HIVEP3: variants seen among roughly 807,000 people sequenced by gnomAD.
HIVEP3 encodes the protein HIVEP zinc finger 3, also known as transcription factor HIVEP3.
Under a neutral mutation model 152.8 loss-of-function variants are expected in HIVEP3, and 49 were observed. The ratio of observed to expected loss-of-function variants is 0.32; its 90% CI spans 0.26 to 0.41. The LOEUF is 0.41. Among genes scored for constraint, HIVEP3 ranks in the 10% least tolerant of loss-of-function variants. The pLI is 1.00. For missense variants in HIVEP3, 2,790 were observed against 3,103.3 expected (o/e 0.90, Z 2.40); for synonymous variants, 1,269 against 1,289.0 (o/e 0.98, Z 0.33).
At chr1:41,527,216 TCA>T (rs140080772) in intron 5 of HIVEP3, among the ~76,000 whole-genome samples, 24,200 of 73,438 alleles carry the variant, frequency 0.33, 4,029 homozygotes, top group Non-Finnish European at 0.41. Context: ...ATGCTCACCC[TCA>T]CACACTCACC....
At chr1:41,932,074 A>G (rs889336392) in intron 1 of HIVEP3, among the ~76,000 whole-genome samples, 21 of 151,852 alleles carry the variant, frequency 1.4e-4, no homozygotes, top group Admixed American at 6.6e-5. Flanking sequence ...GTTGCTAGCT[A>G]TAGCCTTTTG....
intron 1 of HIVEP3, among the ~76,000 whole-genome samples, chr1:41,752,802 A>G (rs1394593046): frequency 6.6e-6 from 1 of 152,222 alleles, no homozygotes; most frequent in East Asian, 1.9e-4. Flanking sequence ...GGTTCTATTC[A>G]AAGCTTGGCT....
chr1:41,916,220 G>A (rs1338979183), intron 1 of HIVEP3, among the ~76,000 whole-genome samples: 1 of 152,120 alleles, frequency 6.6e-6, no homozygotes, highest in Non-Finnish European at 1.5e-5. Flanking sequence ...CTCCAAGGAG[G>A]GTGGCTGCCA....
At position 41,533,296 on chromosome 1, in the gene HIVEP3, C is replaced by T. The variant is rs34227270; in HGVS notation, c.5208-8386G>A. Reference sequence around the variant, plus strand: ...TCTGGGTCCAGCTCCTCCTGCGGTGCCAGAGCCCACCCCACCCACTGTCCT... The same window carrying T: ...TCTGGGTCCAGCTCCTCCTGCGGTGTCAGAGCCCACCCCACCCACTGTCCT... On this transcript the variant is annotated intron_variant, in intron 5 of 8. Transcript: ENST00000372583. The surrounding 1 kb of genome is among the most constrained non-coding windows in gnomAD (Gnocchi z 4.3). Among the ~76,000 whole-genome samples the T allele has an allele frequency of 0.53, 80,503 of 151,832 alleles. 22,135 individuals carry two copies. Among genetic ancestry groups the T allele is most frequent in the East Asian group, 0.98 (5,054 of 5,156 alleles).
At position 41,580,162 on chromosome 1, in the gene HIVEP3, A is replaced by G; in HGVS notation, c.4636T>C (p.Leu1546=). The part of the protein sequence containing the change: ...QPSGKPHRRG[L]TPLSVKKEDS... ...TCTTTCTTCACGCTCAGTGGGGTCA[A>G]CCCTCTTCGGTGAGGTTTGCCAGAT... The change falls in exon 4 of 9, where the codon TTG becomes CTG. Residue 1546 remains leucine (L), a synonymous_variant. Transcript: ENST00000372583. The G allele has an allele frequency of 6.2e-7, 1 of 1,613,140 alleles. No individual in the cohort carries two copies. Among genetic ancestry groups the G allele is most frequent in the Non-Finnish European group, 8.5e-7 (1 of 1,179,452 alleles).
chr1:41,544,769 T>TCTACC (rs1643645424), intron 5 of HIVEP3, among the ~76,000 whole-genome samples: 1 of 79,642 alleles, frequency 1.3e-5, no homozygotes, highest in African/African-American at 5.0e-5. Flanking sequence ...TCACCACCAC[T>TCTACC]ACCACTACCT....
At chr1:41,559,581 C>T (rs1644025017) in intron 5 of HIVEP3, among the ~76,000 whole-genome samples, 1 of 152,208 alleles carries the variant, frequency 6.6e-6, no homozygotes, top group Non-Finnish European at 1.5e-5. Flanking sequence ...GATCCCACCA[C>T]CACACCATCT....
intron 2 of HIVEP3, among the ~76,000 whole-genome samples, chr1:41,693,906 C>T (rs1646233634): frequency 6.6e-6 from 1 of 152,186 alleles, no homozygotes. Context: ...GCATTTTCAT[C>T]TCTAATTATC....
intron 4 of HIVEP3, among the ~76,000 whole-genome samples, chr1:41,577,080 C>T (rs889165180): frequency 1.3e-4 from 20 of 152,200 alleles, no homozygotes; most frequent in Non-Finnish European, 2.2e-4. Flanking sequence ...TTCTCCCTCA[C>T]AGCCTGCCGT....
intron 2 of HIVEP3, among the ~76,000 whole-genome samples, chr1:41,656,691 C>T (rs1645633913): frequency 6.6e-6 from 1 of 152,172 alleles, no homozygotes; most frequent in Non-Finnish European, 1.5e-5. Context: ...TTTACATGCT[C>T]ATCTCAACTA....
chr1:41,528,302 ACACT>A (rs1446799207), intron 5 of HIVEP3, among the ~76,000 whole-genome samples: 2 of 71,132 alleles, frequency 2.8e-5, no homozygotes, highest in Admixed American at 3.0e-4. Flanking sequence ...ACTCACCCTC[ACACT>A]CACCTTCACA....
At position 41,568,456 on chromosome 1, in the gene HIVEP3, G is replaced by A. The variant is rs141165017; in HGVS notation, c.5207+7088C>T. 9.5e-4 allele frequency among the ~76,000 whole-genome samples: 145 copies of A among 152,366 alleles called. 1 individual carries two copies. The Middle Eastern group carries it at 0.014, about 14-fold the overall frequency. On this transcript the variant is annotated intron_variant, in intron 5 of 8. Coordinates refer to ENST00000372583, the MANE Select transcript of HIVEP3 (RefSeq NM_024503.5). ...CAGAGGTCAGGGAGGAGCTGGAGCC[G>A]GCACATGCAGGCCCGTGAGGGCTTC...
At chr1:41,993,795 A>G in intron 1 of HIVEP3, among the ~76,000 whole-genome samples, 1 of 151,784 alleles carries the variant, frequency 6.6e-6, no homozygotes, top group East Asian at 1.9e-4. Flanking sequence ...TGTGGCACAT[A>G]TACACCATGG....
At chr1:41,654,686 T>C (rs372619951) in intron 2 of HIVEP3, among the ~76,000 whole-genome samples, 2 of 152,364 alleles carry the variant, frequency 1.3e-5, no homozygotes, top group African/African-American at 2.4e-5. Flanking sequence ...CATTCCAGTA[T>C]ACAACATGGT....
At chr1:41,672,780 T>C (rs1312898955) in intron 2 of HIVEP3, among the ~76,000 whole-genome samples, 1 of 151,006 alleles carries the variant, frequency 6.6e-6, no homozygotes, top group Admixed American at 6.6e-5. Flanking sequence ...AGGTGGGGAG[T>C]GAGGAGAGTG....
chr1:41,844,325 G>A (rs1225681552), intron 1 of HIVEP3, among the ~76,000 whole-genome samples: 2 of 152,202 alleles, frequency 1.3e-5, no homozygotes, highest in African/African-American at 2.4e-5. Context: ...GAACATCAGG[G>A]ATTCTGGACT....
intron 1 of HIVEP3, among the ~76,000 whole-genome samples, chr1:41,901,875 T>C (rs1439122915): frequency 1.3e-5 from 2 of 152,208 alleles, no homozygotes; most frequent in African/African-American, 4.8e-5. Context: ...TGTTTACTTG[T>C]GAATTGCCTT....
rs188479633 is a variant in HIVEP3, at chr1:41,901,040, C to G, written c.-801+17373G>C. Among the ~76,000 whole-genome samples, 23 of 152,026 alleles carry G rather than the reference C, an allele frequency of 1.5e-4. No individual in the cohort carries two copies. In the East Asian group the frequency reaches 4.3e-3, roughly 28 times the overall value. ...AATGGTGGCCTGGAGAGGGAGTGGA[C>G]GTCAGGATGGATAAGTGGATGGATT... On this transcript the variant is annotated intron_variant, in intron 1 of 8. Coordinates refer to ENST00000372583, the MANE Select transcript of HIVEP3 (RefSeq NM_024503.5).
chr1:41,899,540 G>A (rs1324626514), intron 1 of HIVEP3, among the ~76,000 whole-genome samples: 1 of 152,108 alleles, frequency 6.6e-6, no homozygotes, highest in Non-Finnish European at 1.5e-5. Flanking sequence ...CCGAGTAGCT[G>A]GGATTACAAG....
Sources: gnomAD v4.1 joint callset for allele counts (sites outside exome capture counted in the v4.1 genomes callset) on GRCh38, gnomAD v4.1.1 for gene constraint, Gnocchi (gnomAD v3.1) non-coding constraint, MANE v1.5 for transcripts, NCBI Gene and HGNC (gene_info 2026-07-23, HGNC 2026-07-21) for gene names.